The following FBLN5 variants were observed in gnomAD, a reference collection of about 807,000 sequenced individuals.
The protein encoded by FBLN5 is fibulin-5.
FBLN5 carries 24 observed loss-of-function variants against 61.6 expected under a neutral mutation model. The ratio of observed to expected loss-of-function variants is 0.39; its 90% CI spans 0.28 to 0.55. The LOEUF is 0.55. Ranked by LOEUF, FBLN5 falls within the 20% of genes least tolerant of loss-of-function variation. The probability of loss-of-function intolerance (pLI) is 0.65; values close to 1 mark genes in which losing one functional copy is unlikely to be tolerated. For synonymous variants in FBLN5, 213 were observed against 219.8 expected (o/e 0.97, Z 0.27); for missense variants, 470 against 594.1 (o/e 0.79, Z 2.17).
In FBLN5 at chr14:91,882,872, C is replaced by A; in HGVS notation, c.862+82G>T. The A allele has an allele frequency of 2.6e-6, 4 of 1,519,274 alleles. No homozygotes were observed. The highest frequency in any genetic ancestry group is 3.6e-6 in the Non-Finnish European group (4 of 1,104,912). 94.1% of individuals were successfully genotyped at this position (1,519,274 alleles called of 1,614,324 possible). ...CTTCCCAAAGCTGCACATGATTCCCCAGGTGAGGATATCCAGATGAGCCCC... is the reference window on the plus strand; with the variant it reads ...CTTCCCAAAGCTGCACATGATTCCCAAGGTGAGGATATCCAGATGAGCCCC... On this transcript the variant is annotated intron_variant, in intron 8 of 10. Transcript: ENST00000342058. This position sits in a 1 kb window ranked among gnomAD's most constrained non-coding sequence, Gnocchi z 4.9.
rs565336136 is a variant in FBLN5 at position 91,944,054 on chromosome 14, G to C, written c.18-1093C>G. On this transcript the variant is annotated intron_variant, in intron 1 of 10. Coordinates refer to ENST00000342058, the MANE Select transcript of FBLN5 (RefSeq NM_006329.4). ...GCTTTAAAAATACAAAAGCAGCCGGGTGTGGTGGCTCATGCCTGTAATCCC... is the reference window on the plus strand; with the variant it reads ...GCTTTAAAAATACAAAAGCAGCCGGCTGTGGTGGCTCATGCCTGTAATCCC... Among the ~76,000 whole-genome samples the C allele has an allele frequency of 1.1e-3, 175 of 152,306 alleles. 1 individual carries two copies. Among genetic ancestry groups the C allele is most frequent in the Admixed American group, 3.4e-3 (52 of 15,294 alleles).
intron 2 of FBLN5, 96 bp downstream of exon 2, chr14:91,942,811 A>G: frequency 1.3e-6 from 1 of 775,876 alleles, no homozygotes; most frequent in Non-Finnish European, 2.2e-6. Flanking sequence ...AGCCACTCCC[A>G]CCCCCACAAA....
At chr14:91,936,689 G>A (rs1287077843) in intron 4 of FBLN5, among the ~76,000 whole-genome samples, 1 of 152,182 alleles carries the variant, frequency 6.6e-6, no homozygotes, top group Non-Finnish European at 1.5e-5. Flanking sequence ...AGATAGGTAG[G>A]TAGATAGATG....
At chr14:91,890,267 A>C (rs1321263574) in intron 6 of FBLN5, among the ~76,000 whole-genome samples, 1 of 152,244 alleles carries the variant, frequency 6.6e-6, no homozygotes, top group Admixed American at 6.5e-5. Flanking sequence ...AGATACAATT[A>C]AAGTAAAGGA....
Position 91,877,564 on chromosome 14 carries a change from C to A in FBLN5, c.1108G>T (p.Ala370Ser). 6.2e-7 allele frequency: 1 copy of A among 1,614,156 alleles called. No individual in the cohort carries two copies. The highest frequency in any genetic ancestry group is 8.5e-7 in the Non-Finnish European group (1 of 1,179,986). ...SVPADIFQMQ[A>S]TTRYPGAYYI... Reference sequence around the variant, plus strand: ...TAGGCCCCAGGGTAGCGGGTCGTGGCTTGCATTTGGAAGATGTCAGCGGGA... The same window carrying A: ...TAGGCCCCAGGGTAGCGGGTCGTGGATTGCATTTGGAAGATGTCAGCGGGA... Residue 370 changes from alanine to serine, a missense_variant, in exon 10 of 11, where the codon GCC (alanine) becomes TCC (serine). Ala to Ser is a moderately conservative substitution (Grantham distance 99). Coordinates refer to ENST00000342058, the MANE Select transcript of FBLN5 (RefSeq NM_006329.4).
chr14:91,902,281 G>GT (rs1555376457), intron 4 of FBLN5, among the ~76,000 whole-genome samples: 757 of 29,058 alleles, frequency 0.026, 10 homozygotes, highest in African/African-American at 0.049. Context: ...TTGTTTGTTT[G>GT]TTTTTTTTTT....
chr14:91,889,324 C>T (rs528057403), intron 6 of FBLN5, among the ~76,000 whole-genome samples: 1 of 152,236 alleles, frequency 6.6e-6, no homozygotes, highest in African/African-American at 2.4e-5. Context: ...CACCCCCTCA[C>T]CGCTCTCAGC....
At position 91,870,258 on chromosome 14, in the gene FBLN5, C is replaced by A; in HGVS notation, c.1313G>T (p.Arg438Leu). 2 of 1,614,220 alleles carry A rather than the reference C, an allele frequency of 1.2e-6. No individual in the cohort carries two copies. Among genetic ancestry groups the A allele is most frequent in the South Asian group, 2.2e-5 (2 of 91,082 alleles). ...VINFRGSSVI[R>L]LRIYVSQYPF The stretch of plus-strand genomic sequence containing the variant: ...GTACTGCGACACATATATCCGCAGT[C>A]GGATCACGGAGCTGCCTCTGAAGTT... Residue 438 changes from arginine to leucine, a missense_variant, in exon 11 of 11, where the codon CGA becomes CTA. Coordinates refer to ENST00000342058, the MANE Select transcript of FBLN5 (RefSeq NM_006329.4).
intron 4 of FBLN5, among the ~76,000 whole-genome samples, chr14:91,899,805 G>GGT (rs1278080476): frequency 6.6e-6 from 1 of 152,224 alleles, no homozygotes; most frequent in East Asian, 1.9e-4. Flanking sequence ...CCCTCAGGCT[G>GGT]GTGTGTTTTA....
intron 8 of FBLN5, among the ~76,000 whole-genome samples, chr14:91,881,710 T>C (rs1889481689): frequency 1.3e-5 from 2 of 152,070 alleles, no homozygotes; most frequent in South Asian, 4.1e-4. Flanking sequence ...GGAGGATCAC[T>C]TGAAGCCAGG....
At chr14:91,914,339 G>C (rs958747660) in intron 4 of FBLN5, among the ~76,000 whole-genome samples, 1 of 151,960 alleles carries the variant, frequency 6.6e-6, no homozygotes, top group Non-Finnish European at 1.5e-5. Context: ...TTAGCCGAGC[G>C]TGGTGGCAGG....
chr14:91,944,562 G>A (rs1184124693), intron 1 of FBLN5, among the ~76,000 whole-genome samples: 2 of 152,202 alleles, frequency 1.3e-5, no homozygotes, highest in African/African-American at 4.8e-5. Flanking sequence ...TCCTTCGATG[G>A]ATACATGGAT....
intron 10 of FBLN5, chr14:91,874,568 C>T (rs376438085): frequency 3.3e-5 from 5 of 152,308 alleles, no homozygotes; most frequent in African/African-American, 1.2e-4. Flanking sequence ...GGTTGCTTAG[C>T]TCTGTGCCTC....
At chr14:91,928,486 G>A (rs2055866929) in intron 4 of FBLN5, among the ~76,000 whole-genome samples, 1 of 152,122 alleles carries the variant, frequency 6.6e-6, no homozygotes. Context: ...AAAAACGAAT[G>A]TATGGCTGGG....
intron 1 of FBLN5, among the ~76,000 whole-genome samples, chr14:91,945,280 C>G (rs1216717055): frequency 6.6e-6 from 1 of 151,378 alleles, no homozygotes; most frequent in African/African-American, 2.4e-5. Context: ...TTATCTAGTA[C>G]TATTATTCAG....
At chr14:91,934,231 T>C (rs2055975488) in intron 4 of FBLN5, among the ~76,000 whole-genome samples, 1 of 152,190 alleles carries the variant, frequency 6.6e-6, no homozygotes, top group South Asian at 2.1e-4. Flanking sequence ...GACCTTGTTT[T>C]TAATCCTGAC....
chr14:91,926,023 C>T (rs899096998), intron 4 of FBLN5, among the ~76,000 whole-genome samples: 3 of 152,148 alleles, frequency 2.0e-5, no homozygotes, highest in African/African-American at 7.2e-5. Flanking sequence ...CATCGGTGCC[C>T]GCACTCTTCC....
chr14:91,895,066 TC>T lies in FBLN5; in HGVS notation c.385del (p.Asp129ThrfsTer39). The T allele has an allele frequency of 1.9e-6, 3 of 1,614,070 alleles. No homozygotes were observed. The highest frequency in any genetic ancestry group is 2.5e-6 in the Non-Finnish European group (3 of 1,179,960). ...MDESNQCVDV[D>X]ECATDSHQCN... is the part of the protein sequence containing the mutation. ...CTGGTGGGAATCTGTTGCACACTCG[TC>T]CACATCTGTAATACAGACATAGTCC... On this transcript the variant is annotated frameshift_variant, in exon 5 of 11. Coordinates refer to ENST00000342058, the MANE Select transcript of FBLN5 (RefSeq NM_006329.4). LOFTEE classifies it high-confidence loss of function.
chr14:91,929,044 T>C lies in FBLN5; in HGVS notation c.379+7903A>G, dbSNP rs890712634. 8.9e-5 allele frequency among the ~76,000 whole-genome samples: 13 copies of C among 146,550 alleles called. 1 individual carries two copies. The East Asian group carries it at 1.2e-3, about 14-fold the overall frequency. ...CTGTACTCCAGCCTGGGCGATAGAG[T>C]GAGACTCCATCTCAAAAAAAAAGAC... On this transcript the variant is annotated intron_variant, in intron 4 of 10. Coordinates refer to ENST00000342058, the MANE Select transcript of FBLN5 (RefSeq NM_006329.4).
Sources: allele counts gnomAD v4.1 joint callset (sites outside exome capture counted in the v4.1 genomes callset), GRCh38; gene constraint gnomAD v4.1.1; non-coding constraint Gnocchi (gnomAD v3.1); transcripts MANE v1.5; gene names NCBI Gene and HGNC (gene_info 2026-07-23, HGNC 2026-07-21).